Variants in NEO1 observed in about 807,000 individuals in gnomAD.
NEO1 encodes neogenin.
NEO1 carries 63 observed loss-of-function variants against 159.7 expected under a neutral mutation model. The observed-to-expected ratio is 0.39, with a 90% CI of 0.32 to 0.49. NEO1 has a LOEUF of 0.49. Ranked by LOEUF, NEO1 falls within the 20% of genes least tolerant of loss-of-function variation. The pLI is 0.85. For synonymous variants in NEO1, 633 were observed against 662.0 expected, an observed-to-expected ratio of 0.96 and a Z score of 0.67; for missense variants, 1,615 against 1,831.0, an observed-to-expected ratio of 0.88 and a Z score of 2.15.
In NEO1 at chr15:73,304,296, A is replaced by G. The variant is rs1215384684; in HGVS notation, c.*1600A>G. 1 of 152,186 alleles carries G rather than the reference A, an allele frequency of 6.6e-6. No homozygotes were observed. The highest frequency in any genetic ancestry group is 6.5e-5 in the Admixed American group (1 of 15,278). 9.4% of individuals were successfully genotyped at this position (152,186 alleles called of 1,614,324 possible). On this transcript the variant is annotated 3_prime_UTR_variant, in exon 29 of 29. Transcript: ENST00000261908. The stretch of plus-strand genomic sequence containing the variant: ...GGTTTTTTAATATTAAGAATATATA[A>G]TGGAAAACACACGACTGACGCTCAG...
At chr15:73,217,634 G>C (rs1290816954) in intron 7 of NEO1, among the ~76,000 whole-genome samples, 1 of 152,150 alleles carries the variant, frequency 6.6e-6, no homozygotes, top group Admixed American at 6.5e-5. Flanking sequence ...TCTCCTTGAA[G>C]AGGTCCTTCA....
intron 4 of NEO1, among the ~76,000 whole-genome samples, chr15:73,131,976 C>G (rs1269844526): frequency 6.6e-6 from 1 of 152,214 alleles, no homozygotes; most frequent in East Asian, 1.9e-4. Flanking sequence ...ACTCATTCTT[C>G]AGATCTCAGC....
chr15:73,272,459 G>T lies in NEO1; in HGVS notation c.2862G>T (p.Pro954=). 6.2e-7 allele frequency: 1 copy of T among 1,611,934 alleles called. No homozygotes were observed. Among genetic ancestry groups the T allele is most frequent in the Non-Finnish European group, 8.5e-7 (1 of 1,178,464 alleles). ...TAHGTTFELV[P]TSPPKDVTVV... Reference sequence around the variant, plus strand: ...AAAAATTTTGTTATTTTGTAGTTCCGACTTCTCCACCCAAGGATGTGACTG... The same window carrying T: ...AAAAATTTTGTTATTTTGTAGTTCCTACTTCTCCACCCAAGGATGTGACTG... The change falls in exon 19 of 29, where the codon CCG becomes CCT. Residue 954 remains proline (P), a synonymous_variant. Coordinates refer to ENST00000261908, the MANE Select transcript of NEO1 (RefSeq NM_002499.4).
intron 5 of NEO1, among the ~76,000 whole-genome samples, chr15:73,137,952 T>C (rs2031942318): frequency 6.6e-6 from 1 of 152,166 alleles, no homozygotes; most frequent in Non-Finnish European, 1.5e-5. Flanking sequence ...TCTAGATAAA[T>C]AGGTGTCTTA....
chr15:73,222,082 CT>C (rs1296682739), intron 7 of NEO1: 1 of 134,014 alleles, frequency 7.5e-6, no homozygotes, highest in Admixed American at 8.6e-5. Flanking sequence ...ACTCCTCCCC[CT>C]GTTGGTAATT....
intron 20 of NEO1, 97 bp downstream of exon 20, chr15:73,274,102 G>A: frequency 8.5e-7 from 1 of 1,173,184 alleles, no homozygotes; most frequent in South Asian, 1.5e-5. Context: ...GATAGTATAT[G>A]AAGTCTTAAT....
chr15:73,271,604 G>A (rs2041171844), intron 18 of NEO1, among the ~76,000 whole-genome samples: 1 of 152,146 alleles, frequency 6.6e-6, no homozygotes, highest in African/African-American at 2.4e-5. Flanking sequence ...AAGAAATAGG[G>A]CTTTTAAAAG....
At chr15:73,072,906 G>C (rs60551851) in intron 1 of NEO1, among the ~76,000 whole-genome samples, 1 of 152,176 alleles carries the variant, frequency 6.6e-6, no homozygotes, top group Non-Finnish European at 1.5e-5. Context: ...ACATGTCAAA[G>C]ATGATTCCTA....
intron 7 of NEO1, among the ~76,000 whole-genome samples, chr15:73,222,395 T>G (rs2038344242): frequency 6.6e-6 from 1 of 151,984 alleles, no homozygotes; most frequent in African/African-American, 2.4e-5. Context: ...TGAGCCACCG[T>G]GCCTGGCGGT....
chr15:73,098,906 T>G (rs1031349226), intron 1 of NEO1, among the ~76,000 whole-genome samples: 1 of 152,222 alleles, frequency 6.6e-6, no homozygotes, highest in Non-Finnish European at 1.5e-5. Context: ...GAGTATGTCA[T>G]CAAACATTTG....
At chr15:73,189,307 G>A (rs2036110564) in intron 7 of NEO1, among the ~76,000 whole-genome samples, 1 of 152,162 alleles carries the variant, frequency 6.6e-6, no homozygotes. Flanking sequence ...TAAGACCTGA[G>A]TACATGAAAA....
intron 1 of NEO1, among the ~76,000 whole-genome samples, chr15:73,107,985 C>G (rs983850005): frequency 1.3e-5 from 2 of 152,100 alleles, no homozygotes; most frequent in African/African-American, 4.8e-5. Flanking sequence ...AGTTTGAGAC[C>G]AGCCTGGGCA....
intron 7 of NEO1, among the ~76,000 whole-genome samples, chr15:73,184,383 G>A (rs1349360012): frequency 6.6e-6 from 1 of 151,990 alleles, no homozygotes; most frequent in Non-Finnish European, 1.5e-5. Flanking sequence ...AATTACTTGA[G>A]GTATACTCCT....
chr15:73,168,881 G>T (rs1264998328), intron 5 of NEO1, among the ~76,000 whole-genome samples: 1 of 150,598 alleles, frequency 6.6e-6, no homozygotes, highest in East Asian at 1.9e-4. Context: ...GTTTTTATTT[G>T]TTGGGTTTTT....
intron 1 of NEO1, among the ~76,000 whole-genome samples, chr15:73,068,717 A>G (rs1413227062): frequency 6.6e-6 from 1 of 152,044 alleles, no homozygotes; most frequent in Non-Finnish European, 1.5e-5. Flanking sequence ...ATATTAAGAT[A>G]AGGTGTTGGT....
At position 73,203,014 on chromosome 15, in the gene NEO1, C is replaced by G. The variant is rs139322771; in HGVS notation, c.1291+24587C>G. Among the ~76,000 whole-genome samples, 551 of 152,286 alleles carry G rather than the reference C, an allele frequency of 3.6e-3. 1 individual carries two copies. The highest frequency in any genetic ancestry group is 0.024 in the Middle Eastern group (7 of 294). On this transcript the variant is annotated intron_variant, in intron 7 of 28. Coordinates refer to ENST00000261908, the MANE Select transcript of NEO1 (RefSeq NM_002499.4). The stretch of plus-strand genomic sequence containing the variant: ...CATCTATATACCACATTTTGATTAT[C>G]TGTTCATCCATCATTAGACATTTGG...
chr15:73,230,148 AC>A (rs1250232724), intron 7 of NEO1, among the ~76,000 whole-genome samples: 1 of 152,194 alleles, frequency 6.6e-6, no homozygotes, highest in African/African-American at 2.4e-5. Flanking sequence ...ATATTTGATA[AC>A]ATCCAGCAGT....
chr15:73,274,095 A>C, intron 20 of NEO1, 90 bp downstream of exon 20: 1 of 1,190,580 alleles, frequency 8.4e-7, no homozygotes, highest in Non-Finnish European at 1.2e-6. Flanking sequence ...GTCTGTGGAT[A>C]GTATATGAAG....
chr15:73,303,028 T>C lies in NEO1; in HGVS notation c.*332T>C. The C allele has an allele frequency of 3.8e-6, 1 of 265,930 alleles. No homozygotes were observed. Among genetic ancestry groups the C allele is most frequent in the Non-Finnish European group, 7.5e-6 (1 of 133,872 alleles). The allele number at this position is 265,930 out of a possible 1,614,324, so 16.5% of individuals were successfully genotyped here. A position where few individuals can be genotyped will look rare whatever the true frequency, so the allele number is the denominator to read the frequency against. On this transcript the variant is annotated 3_prime_UTR_variant, in exon 29 of 29. Coordinates refer to ENST00000261908, the MANE Select transcript of NEO1 (RefSeq NM_002499.4). ...GTGGTCAGGCCGTGTCTTTGTGCTGTGACTGCATCACCTTTATGGAGTGTA... is the reference window on the plus strand; with the variant it reads ...GTGGTCAGGCCGTGTCTTTGTGCTGCGACTGCATCACCTTTATGGAGTGTA...
Sources: allele counts gnomAD v4.1 joint callset (sites outside exome capture counted in the v4.1 genomes callset), GRCh38; gene constraint gnomAD v4.1.1; transcripts MANE v1.5; gene names NCBI Gene and HGNC (gene_info 2026-07-23, HGNC 2026-07-21).